ERBB2: variants seen among roughly 807,000 people sequenced by gnomAD.
The protein encoded by ERBB2 is receptor tyrosine-protein kinase erbB-2.
In ERBB2, 61 loss-of-function variants were observed where a neutral mutation model predicts 149.0. That is an observed-to-expected ratio of 0.41 (90% CI 0.33 to 0.51). The LOEUF (loss-of-function observed/expected upper bound fraction) is 0.51, where lower values mean the gene tolerates loss of function less well. Ranked by LOEUF, ERBB2 falls within the 20% of genes least tolerant of loss-of-function variation. The probability of loss-of-function intolerance (pLI) is 0.25; values close to 1 mark genes in which losing one functional copy is unlikely to be tolerated. For synonymous variants in ERBB2, 633 were observed against 678.8 expected, an observed-to-expected ratio of 0.93 and a Z score of 1.05; for missense variants, 1,205 against 1,655.1, an observed-to-expected ratio of 0.73 and a Z score of 4.72.
chr17:39,709,960 G>T (rs2058700172), intron 5 of ERBB2, 79 bp downstream of exon 5: 6 of 1,503,200 alleles, frequency 4.0e-6, no homozygotes, highest in Non-Finnish European at 5.5e-6. Context: ...CAGGTGACAT[G>T]GGAGGGGTGG....
rs1167027193 is a variant in ERBB2, at chr17:39,726,690, G to A, written c.2970+31G>A. 6.2e-7 allele frequency: 1 copy of A among 1,607,710 alleles called. No homozygotes were observed. Among genetic ancestry groups the A allele is most frequent in the East Asian group, 2.2e-5 (1 of 44,858 alleles). ...GGGCCTCTGTGCCCCATCCCTGCCTGTGGCTAAGAGCACCCTCCTGCAGAG... is the reference window on the plus strand; with the variant it reads ...GGGCCTCTGTGCCCCATCCCTGCCTATGGCTAAGAGCACCCTCCTGCAGAG... On this transcript the variant is annotated intron_variant, in intron 24 of 26. Transcript: ENST00000269571. The surrounding 1 kb of genome is among the most constrained non-coding windows in gnomAD (Gnocchi z 5.1).
chr17:39,692,488 C>T (rs894880750), upstream of ERBB2, among the ~76,000 whole-genome samples: 4 of 151,546 alleles, frequency 2.6e-5, no homozygotes, highest in Admixed American at 6.6e-5. Flanking sequence ...TCACTGCAAC[C>T]TCTGCCTCCC....
rs896171398 is a variant in ERBB2 at position 39,709,846 on chromosome 17, G to C, written c.608G>C (p.Arg203Pro). ...TGTTCTCCGATGTGTAAGGGCTCCC[G>C]CTGCTGGGGAGAGAGTTCTGAGGAT... Reference protein sequence around the residue: ...HPCSPMCKGSRCWGESSEDCQ... With the variant: ...HPCSPMCKGSPCWGESSEDCQ... Residue 203 changes from arginine (R) to proline (P), a missense_variant, in exon 5 of 27, where the codon CGC becomes CCC. Physicochemically the swap from Arg to Pro is moderately radical, Grantham distance 103. This residue lies in a region of ERBB2 where 569 missense variants were observed against 803.5 expected (regional missense o/e 0.71). Transcript: ENST00000269571. The C allele has an allele frequency of 2.3e-5, 37 of 1,613,390 alleles. No homozygotes were observed. The highest frequency in any genetic ancestry group is 3.1e-5 in the Non-Finnish European group (36 of 1,180,028).
At chr17:39,688,127 A>G (rs2057602382) in exon 1 of ERBB2, 2 of 1,043,832 alleles carry the variant, frequency 1.9e-6, no homozygotes, top group Non-Finnish European at 2.5e-6. Context: ...AAGTCCACAC[A>G]GTTTAAATTA....
In ERBB2 at chr17:39,720,907, C is replaced by T. The variant is rs376633841; in HGVS notation, c.1946+1073C>T. On this transcript the variant is annotated intron_variant, in intron 16 of 26. Coordinates refer to ENST00000269571, the MANE Select transcript of ERBB2 (RefSeq NM_004448.4). ...TCAAGATCCGCCCACCTTGGCCTCCCAAAGTGCTGGGATTACAGACATGAG... is the reference window on the plus strand; with the variant it reads ...TCAAGATCCGCCCACCTTGGCCTCCTAAAGTGCTGGGATTACAGACATGAG... Among the ~76,000 whole-genome samples the T allele has an allele frequency of 1.4e-3, 216 of 152,306 alleles. No individual in the cohort carries two copies. In the South Asian group the frequency reaches 0.016, roughly 11 times the overall value.
chr17:39,703,578 G>A (rs1248606005), intron 1 of ERBB2: 1 of 152,288 alleles, frequency 6.6e-6, no homozygotes, highest in Non-Finnish European at 1.5e-5. Context: ...CTCTGAGGGA[G>A]TAAGAGCTGT....
In ERBB2 at chr17:39,712,042, C is replaced by T. The variant is rs2145562957; in HGVS notation, c.1016C>T (p.Ala339Val). The T allele has an allele frequency of 6.2e-7, 1 of 1,613,904 alleles. No individual in the cohort carries two copies. Among genetic ancestry groups the T allele is most frequent in the Non-Finnish European group, 8.5e-7 (1 of 1,179,960 alleles). The change falls in exon 8 of 27, where the codon GCC becomes GTC. Residue 339 changes from alanine (A) to valine (V), a missense_variant. Physicochemically the swap from Ala to Val is moderately conservative, Grantham distance 64. Transcript: ENST00000269571. ...TGTGAGAAGTGCAGCAAGCCCTGTG[C>T]CCGAGGTACCCACTCACTGCCCCCG... Reference protein sequence around the residue: ...QRCEKCSKPCARVCYGLGMEH... With the variant: ...QRCEKCSKPCVRVCYGLGMEH...
chr17:39,699,452 A>T, upstream of ERBB2: 1 of 1,173,610 alleles, frequency 8.5e-7, no homozygotes, highest in East Asian at 2.6e-5. Context: ...CAAGAGCAAA[A>T]GTTCGTTTAA....
rs76836878 is a variant in ERBB2, at chr17:39,709,727, C to T, written c.575-86C>T. ...TGTGCAGTTGGCCTCGTGGCCTCTGCTGCTGTTTGTGCCTCTCTCTGTTAC... is the reference window on the plus strand; with the variant it reads ...TGTGCAGTTGGCCTCGTGGCCTCTGTTGCTGTTTGTGCCTCTCTCTGTTAC... On this transcript the variant is annotated intron_variant, in intron 4 of 26. Transcript: ENST00000269571. The T allele has an allele frequency of 7.4e-4, 998 of 1,348,210 alleles. 14 individuals are homozygous for T. The East Asian group carries it at 0.023, about 31-fold the overall frequency. 83.5% of individuals were successfully genotyped at this position (1,348,210 alleles called of 1,614,324 possible). A position where few individuals can be genotyped will look rare whatever the true frequency, so the allele number is the denominator to read the frequency against.
chr17:39,712,056 T>C lies in ERBB2; in HGVS notation c.1021+9T>C. On this transcript the variant is annotated intron_variant, in intron 8 of 26. Coordinates refer to ENST00000269571, the MANE Select transcript of ERBB2 (RefSeq NM_004448.4). ...CAAGCCCTGTGCCCGAGGTACCCAC[T>C]CACTGCCCCCGAGGCCAGCTGCAGT... is the stretch of plus-strand genomic sequence containing the variant. The C allele has an allele frequency of 8.7e-6, 14 of 1,613,818 alleles. No homozygotes were observed. The highest frequency in any genetic ancestry group is 1.2e-5 in the Non-Finnish European group (14 of 1,179,946).
Position 39,719,844 on chromosome 17 carries a change from G to A in ERBB2, c.1946+10G>A, listed in dbSNP as rs2145749950. On this transcript the variant is annotated intron_variant, in intron 16 of 26. Coordinates refer to ENST00000269571, the MANE Select transcript of ERBB2 (RefSeq NM_004448.4). The stretch of plus-strand genomic sequence containing the variant: ...CCGAGCAGAGAGCCAGGTTGGCCTG[G>A]ACCCCAGGATGTACCCTTCATTGCC... 1 of 1,614,032 alleles carries A rather than the reference G, an allele frequency of 6.2e-7. No individual in the cohort carries two copies. Among genetic ancestry groups the A allele is most frequent in the Non-Finnish European group, 8.5e-7 (1 of 1,179,880 alleles).
upstream of ERBB2, among the ~76,000 whole-genome samples, chr17:39,698,780 T>A (rs1457878520): frequency 6.6e-6 from 1 of 152,148 alleles, no homozygotes; most frequent in East Asian, 1.9e-4. Flanking sequence ...CTCCAGTCCC[T>A]GATAGGTGCC....
At chr17:39,709,116 T>C in intron 3 of ERBB2, 4 of 625,194 alleles carry the variant, frequency 6.4e-6, no homozygotes, top group Non-Finnish European at 1.1e-5. Context: ...GACAACTCAC[T>C]CCTCCCTGGC....
At chr17:39,705,896 C>T (rs2058401377) in intron 1 of ERBB2, among the ~76,000 whole-genome samples, 1 of 152,188 alleles carries the variant, frequency 6.6e-6, no homozygotes, top group Non-Finnish European at 1.5e-5. Flanking sequence ...ACCTGTGGGC[C>T]TGAGGGTGCC....
chr17:39,726,733 A>T lies in ERBB2; in HGVS notation c.2970+74A>T. 1 of 1,589,274 alleles carries T rather than the reference A, an allele frequency of 6.3e-7. No homozygotes were observed. The highest frequency in any genetic ancestry group is 8.6e-7 in the Non-Finnish European group (1 of 1,157,484). ...CTGCAGAGGGTGGGAAGGAGAGATGAGTCCAGTATGCCAGGCCCCTCACGG... is the reference window on the plus strand; with the variant it reads ...CTGCAGAGGGTGGGAAGGAGAGATGTGTCCAGTATGCCAGGCCCCTCACGG... On this transcript the variant is annotated intron_variant, in intron 24 of 26. Transcript: ENST00000269571. This position sits in a 1 kb window ranked among gnomAD's most constrained non-coding sequence, Gnocchi z 5.1.
chr17:39,720,712 C>T (rs2059403420), intron 16 of ERBB2, among the ~76,000 whole-genome samples: 2 of 152,092 alleles, frequency 1.3e-5, no homozygotes, highest in African/African-American at 4.8e-5. Flanking sequence ...TGCAGTGGCT[C>T]CATCTCGGTT....
chr17:39,710,004 G>C, intron 5 of ERBB2, 82 bp from the exon 6 acceptor site: 1 of 1,505,072 alleles, frequency 6.6e-7, no homozygotes. Context: ...CCTGGGCCAG[G>C]TAGTCTCCCT....
At chr17:39,692,321 A>G (rs181471543), upstream of ERBB2, among the ~76,000 whole-genome samples, 7 of 152,216 alleles carry the variant, frequency 4.6e-5, no homozygotes, top group African/African-American at 1.7e-4. Context: ...ATATATCTAG[A>G]AAGATAAAAA....
intron 1 of ERBB2, among the ~76,000 whole-genome samples, chr17:39,705,273 T>TCGGG (rs2058357682): frequency 6.6e-6 from 1 of 151,068 alleles, no homozygotes; most frequent in Admixed American, 6.6e-5. Context: ...GGGGGTGGAG[T>TCGGG]CGGACCCTGC....
Sources: allele counts gnomAD v4.1 joint callset (sites outside exome capture counted in the v4.1 genomes callset), GRCh38; gene constraint gnomAD v4.1.1; regional missense constraint gnomAD v4.1.1; non-coding constraint Gnocchi (gnomAD v3.1); transcripts MANE v1.5; gene names NCBI Gene and HGNC (gene_info 2026-07-23, HGNC 2026-07-21).